RGN: variants seen among roughly 807,000 people sequenced by gnomAD.
RGN encodes epididymis secretory protein Li 41.
RGN carries 19 observed loss-of-function variants against 20.6 expected under a neutral mutation model. The ratio of observed to expected loss-of-function variants is 0.92; its 90% CI spans 0.64 to 1.35. RGN has a LOEUF of 1.35. RGN is among the 40% of genes most tolerant of loss of function. The pLI is 0.00. For synonymous variants in RGN, 85 were observed against 87.2 expected (o/e 0.97, Z 0.14); for missense variants, 302 against 232.7 (o/e 1.30, Z -1.94).
chrX:47,092,132 T>G lies in RGN; in HGVS notation c.766T>G (p.Ser256Ala), dbSNP rs782729425. Residue 256 changes from serine (S) to alanine (A), a missense_variant, in exon 7 of 8, where the codon TCT becomes GCT. By Grantham distance (99) the Ser-to-Ala change is moderately conservative. Coordinates refer to ENST00000397180, the MANE Select transcript of RGN (RefSeq NM_152869.4). ...ATGCTGCTTTGGAGGGAAGAATTAC[T>G]CTGAAATGTATGTGACCTGCGCCCG... Reference protein sequence around the residue: ...TSCCFGGKNYSEMYVTCARDG... With the variant: ...TSCCFGGKNYAEMYVTCARDG... 1.7e-6 allele frequency: 2 copies of G among 1,207,019 alleles called. No individual in the cohort carries two copies. Among genetic ancestry groups the G allele is most frequent in the Non-Finnish European group, 2.2e-6 (2 of 892,331 alleles).
chrX:47,092,060 G>C lies in RGN; in HGVS notation c.695-1G>C, dbSNP rs782303399. The C allele has an allele frequency of 8.3e-7, 1 of 1,204,255 alleles. No individual in the cohort carries two copies. Among genetic ancestry groups the C allele is most frequent in the Non-Finnish European group, 1.1e-6 (1 of 890,020 alleles). On this transcript the variant is annotated splice_acceptor_variant, in intron 6 of 7. Coordinates refer to ENST00000397180, the MANE Select transcript of RGN (RefSeq NM_152869.4). LOFTEE classifies it high-confidence loss of function. ...TTAAAATAAAATATTTGGTGGTCTAGGGAAAAGACTTCAAACTGTGAAGTT... is the reference window on the plus strand; with the variant it reads ...TTAAAATAAAATATTTGGTGGTCTACGGAAAAGACTTCAAACTGTGAAGTT...
At chrX:47,091,093 T>C (rs1930995241) in intron 5 of RGN, among the ~76,000 whole-genome samples, 1 of 110,912 alleles carries the variant, frequency 9.0e-6, no homozygotes, top group South Asian at 3.8e-4. Context: ...GACTTTGTAG[T>C]ATAAAGTTTT....
chrX:47,079,723 G>A (rs1438616289), intron 1 of RGN, among the ~76,000 whole-genome samples: 5 of 111,070 alleles, frequency 4.5e-5, no homozygotes, highest in African/African-American at 1.3e-4. Context: ...GAGCCACCAT[G>A]CCCGGCCTGT....
rs996812754 is a variant in RGN at position 47,078,534 on chromosome X, G to A, written c.-811G>A. 3.5e-5 allele frequency: 4 copies of A among 113,107 alleles called. No individual in the cohort carries two copies. The East Asian group carries it at 1.1e-3, about 32-fold the overall frequency. 9.3% of individuals were successfully genotyped at this position (113,107 alleles called of 1,213,427 possible). On this transcript the variant is annotated 5_prime_UTR_variant, in exon 1 of 8. Transcript: ENST00000397180. ...GAGACTGACTGCTCTGTGCCCACCC[G>A]GGGACCCGGGCCCGTTCAGCCGGGC...
intron 1 of RGN, among the ~76,000 whole-genome samples, chrX:47,079,173 C>G (rs1314676363): frequency 1.8e-5 from 2 of 109,165 alleles, no homozygotes; most frequent in East Asian, 2.9e-4. Flanking sequence ...GTTGCCCAGG[C>G]TGGTCTCAAA....
chrX:47,089,953 T>G lies in RGN; in HGVS notation c.524T>G (p.Val175Gly), dbSNP rs1556386790. The change falls in exon 5 of 8, where the codon GTG becomes GGG. Residue 175 changes from valine (V) to glycine (G), a missense_variant. Val to Gly is a moderately radical substitution (Grantham distance 109). Transcript: ENST00000397180. ...TACATTGACAGCCTGTCCTACTCCG[T>G]GGATGCCTTTGACTATGACCTGCAG... ...FYYIDSLSYS[V>G]DAFDYDLQTG... 2 of 1,204,263 alleles carry G rather than the reference T, an allele frequency of 1.7e-6. No individual in the cohort carries two copies. The highest frequency in any genetic ancestry group is 1.8e-5 in the African/African-American group (1 of 56,825).
rs1930854483 is a variant in RGN at position 47,089,827 on chromosome X, C to T, written c.398C>T (p.Ala133Val). 8.3e-7 allele frequency: 1 copy of T among 1,207,441 alleles called. No individual in the cohort carries two copies. The highest frequency in any genetic ancestry group is 1.1e-6 in the Non-Finnish European group (1 of 894,114). Residue 133 changes from alanine (A) to valine (V), a missense_variant, in exon 5 of 8, where the codon GCC (alanine) becomes GTC (valine). Ala to Val is a moderately conservative substitution (Grantham distance 64, BLOSUM62 0). Transcript: ENST00000397180. ...GCAGTTCTTGAGCGGCACCAGGGGG[C>T]CCTGTACTCCCTCTTTCCTGATCAC... is the stretch of plus-strand genomic sequence containing the variant. ...APAVLERHQG[A>V]LYSLFPDHHV...
rs939323792 is a variant in RGN, at chrX:47,092,937, A to G, written c.890A>G (p.Tyr297Cys). 2.5e-6 allele frequency: 3 copies of G among 1,203,161 alleles called. No homozygotes were observed. The highest frequency in any genetic ancestry group is 3.4e-6 in the Non-Finnish European group (3 of 888,340). ...LGVKGIAPYS[Y>C]AG ...GTCAAAGGAATTGCTCCCTACTCCT[A>G]TGCGGGATGAGGACAGGTCTTCTTT... The change falls in exon 8 of 8, where the codon TAT becomes TGT. Residue 297 changes from tyrosine to cysteine, a missense_variant. Physicochemically the swap from Tyr to Cys is radical, Grantham distance 194. Transcript: ENST00000397180.
At position 47,093,138 on chromosome X, in the gene RGN, A is replaced by G; in HGVS notation, c.*191A>G. 1 of 425,242 alleles carries G rather than the reference A, an allele frequency of 2.4e-6. No homozygotes were observed. The highest frequency in any genetic ancestry group is 4.1e-6 in the Non-Finnish European group (1 of 245,853). 35.0% of individuals were successfully genotyped at this position (425,242 alleles called of 1,213,427 possible). A position where few individuals can be genotyped will look rare whatever the true frequency, so the allele number is the denominator to read the frequency against. ...CAGGTGGTTTTGATAACACACTTAT[A>G]AGGCTTTCTGTAAAAGGTACTATAG... is the stretch of plus-strand genomic sequence containing the variant. On this transcript the variant is annotated 3_prime_UTR_variant, in exon 8 of 8. Transcript: ENST00000397180.
rs202231318 is a variant in RGN at position 47,084,540 on chromosome X, G to T, written c.286G>T (p.Asp96Tyr). The change falls in exon 4 of 8, where the codon GAC (aspartate) becomes TAC (tyrosine). Residue 96 changes from aspartate to tyrosine, a missense_variant. By Grantham distance (160) the Asp-to-Tyr change is radical. Transcript: ENST00000397180. ...AGTTGTCTTGGCCACGGTGGATAAC[G>T]ACAAGAAAAACAATCGCTTCAATGA... Reference protein sequence around the residue: ...SAVVLATVDNDKKNNRFNDGK... With the variant: ...SAVVLATVDNYKKNNRFNDGK... 5.8e-6 allele frequency: 7 copies of T among 1,201,506 alleles called. No individual in the cohort carries two copies. The East Asian group carries it at 1.5e-4, about 26-fold the overall frequency.
intron 3 of RGN, 118 bp from the exon 4 acceptor site, chrX:47,084,300 G>A (rs782760893): frequency 2.6e-4 from 137 of 532,504 alleles, no homozygotes; most frequent in African/African-American, 7.7e-4. Context: ...GGAAGAGAGC[G>A]CTCCCATTGT....
At chrX:47,085,733 T>G (rs1556384036) in intron 4 of RGN, among the ~76,000 whole-genome samples, 1 of 111,302 alleles carries the variant, frequency 9.0e-6, no homozygotes, top group African/African-American at 3.3e-5. Context: ...TCCTCACACC[T>G]CTTCCTCCCA....
chrX:47,082,376 A>G (rs1930374088), intron 3 of RGN, among the ~76,000 whole-genome samples: 1 of 102,191 alleles, frequency 9.8e-6, no homozygotes, highest in Non-Finnish European at 2.0e-5. Flanking sequence ...AATAATGCAA[A>G]CATGGCTTAC....
rs1556386598 is a variant in RGN, at chrX:47,089,840, C to G, written c.411C>G (p.Leu137=). The part of the protein sequence containing the change: ...LERHQGALYS[L]FPDHHVKKYF... Reference sequence around the variant, plus strand: ...GGCACCAGGGGGCCCTGTACTCCCTCTTTCCTGATCACCACGTGAAAAAGT... The same window carrying G: ...GGCACCAGGGGGCCCTGTACTCCCTGTTTCCTGATCACCACGTGAAAAAGT... Residue 137 remains leucine (L), a synonymous_variant, in exon 5 of 8, where the codon CTC becomes CTG. Coordinates refer to ENST00000397180, the MANE Select transcript of RGN (RefSeq NM_152869.4). 8.3e-7 allele frequency: 1 copy of G among 1,209,225 alleles called. No individual in the cohort carries two copies. Among genetic ancestry groups the G allele is most frequent in the South Asian group, 1.8e-5 (1 of 56,860 alleles).
chrX:47,083,004 T>G (rs1395267577), intron 3 of RGN, among the ~76,000 whole-genome samples: 2 of 111,163 alleles, frequency 1.8e-5, no homozygotes, highest in Non-Finnish European at 3.8e-5. Context: ...AAGGGGTGCT[T>G]AGGAAATGCT....
At chrX:47,088,547 T>C (rs781824643) in intron 4 of RGN, among the ~76,000 whole-genome samples, 79 of 110,902 alleles carry the variant, frequency 7.1e-4, no homozygotes, top group Non-Finnish European at 1.1e-3. Flanking sequence ...TCTTCTCCTA[T>C]GTGAGTTGAG....
chrX:47,083,999 G>A lies in RGN; in HGVS notation c.164-419G>A, dbSNP rs377723488. Among the ~76,000 whole-genome samples the A allele has an allele frequency of 1.3e-4, 14 of 110,742 alleles. No individual in the cohort carries two copies. In the South Asian group the frequency reaches 1.5e-3, roughly 12 times the overall value. ...AAACCTAGTTGCTGTAAATAAACTC[G>A]GTTTGTGTCTCTGAATTTTCTGGAG... On this transcript the variant is annotated intron_variant, in intron 3 of 7. Transcript: ENST00000397180.
At position 47,080,909 on chromosome X, in the gene RGN, G is replaced by T; in HGVS notation, c.-43G>T. 1 of 346,412 alleles carries T rather than the reference G, an allele frequency of 2.9e-6. No individual in the cohort carries two copies. The highest frequency in any genetic ancestry group is 5.0e-6 in the Non-Finnish European group (1 of 201,004). The allele number at this position is 346,412 out of a possible 1,213,427, so 28.5% of individuals were successfully genotyped here. Reference sequence around the variant, plus strand: ...AGTGTCACTTTTTTGTTTTCTTTTTGAAAGATCATTCGAGAAACACGTCAC... The same window carrying T: ...AGTGTCACTTTTTTGTTTTCTTTTTTAAAGATCATTCGAGAAACACGTCAC... On this transcript the variant is annotated 5_prime_UTR_variant, in exon 2 of 8. Transcript: ENST00000397180.
chrX:47,089,754 C>G (rs782209470), intron 4 of RGN, 22 bp from the exon 5 acceptor site: 88 of 1,168,933 alleles, frequency 7.5e-5, no homozygotes, highest in Non-Finnish European at 9.5e-5. Context: ...GGGCAGAGCT[C>G]AGTGCTCTTT....
Sources: allele counts gnomAD v4.1 joint callset (sites outside exome capture counted in the v4.1 genomes callset), GRCh38; gene constraint gnomAD v4.1.1; transcripts MANE v1.5; gene names NCBI Gene and HGNC (gene_info 2026-07-23, HGNC 2026-07-21).